HECTD4: variants seen among roughly 807,000 people sequenced by gnomAD.
HECTD4 encodes HECT domain E3 ubiquitin protein ligase 4.
HECTD4 carries 114 observed loss-of-function variants against 471.5 expected under a neutral mutation model. The ratio of observed to expected loss-of-function variants is 0.24; its 90% CI spans 0.21 to 0.28. HECTD4 has a LOEUF of 0.28. HECTD4 is among the 10% of genes least tolerant of loss of function. The probability of loss-of-function intolerance (pLI) is 1.00; values close to 1 mark genes in which losing one functional copy is unlikely to be tolerated. For synonymous variants in HECTD4, 2,012 were observed against 2,256.0 expected (o/e 0.89, Z 3.07); for missense variants, 3,866 against 5,651.5 (o/e 0.68, Z 10.13).
chr12:112,222,928 C>T (rs1416992591), intron 44 of HECTD4, among the ~76,000 whole-genome samples: 3 of 152,144 alleles, frequency 2.0e-5, no homozygotes, highest in African/African-American at 7.2e-5. Context: ...TAAGGAATGA[C>T]TTTGGTTATC....
chr12:112,376,077 A>T (rs2036772092), intron 1 of HECTD4, among the ~76,000 whole-genome samples: 1 of 151,838 alleles, frequency 6.6e-6, no homozygotes, highest in Admixed American at 6.6e-5. Context: ...CTCCTGTCTA[A>T]AAAAAAATAA....
intron 66 of HECTD4, among the ~76,000 whole-genome samples, chr12:112,174,039 G>C (rs149901859): frequency 6.7e-6 from 1 of 150,274 alleles, no homozygotes; most frequent in Non-Finnish European, 1.5e-5. Context: ...GTGCAATGGC[G>C]CAATCTCAGC....
chr12:112,314,999 A>G (rs2035449702), intron 2 of HECTD4, among the ~76,000 whole-genome samples: 1 of 152,224 alleles, frequency 6.6e-6, no homozygotes, highest in African/African-American at 2.4e-5. Flanking sequence ...AAATATGACC[A>G]AAAAGAATAT....
chr12:112,176,160 C>T (rs2031438009), intron 65 of HECTD4, among the ~76,000 whole-genome samples: 1 of 152,228 alleles, frequency 6.6e-6, no homozygotes, highest in South Asian at 2.1e-4. Context: ...ATTTTCCAGA[C>T]AACAAGAATA....
Position 112,185,242 on chromosome 12 carries a change from C to T in HECTD4, c.9724G>A (p.Ala3242Thr), listed in dbSNP as rs1421442049. The change falls in exon 61 of 76, where the codon GCG becomes ACG. Residue 3242 changes from alanine to threonine, a missense_variant. Ala to Thr is a moderately conservative substitution (Grantham distance 58). Transcript: ENST00000682272. ...SGGACGGSGG[A>T]AAGDQGRFST... ...AACCTGCCCTGGTCACCGGCCGCCG[C>T]CCCCCCGGAGCCCCCGCAGGCGCCG... 1 of 1,549,296 alleles carries T rather than the reference C, an allele frequency of 6.5e-7. No homozygotes were observed. Among genetic ancestry groups the T allele is most frequent in the South Asian group, 1.2e-5 (1 of 83,966 alleles).
At chr12:112,209,925 A>G (rs368225661) in intron 50 of HECTD4, 90 bp downstream of exon 50, 1 of 1,061,612 alleles carries the variant, frequency 9.4e-7, no homozygotes, top group Non-Finnish European at 1.4e-6. Context: ...GATTGTAATG[A>G]GGATGCTCAA....
At chr12:112,259,362 C>T (rs2034093761) in intron 18 of HECTD4, 97 bp from the exon 19 acceptor site, 2 of 1,329,364 alleles carry the variant, frequency 1.5e-6, no homozygotes, top group African/African-American at 3.0e-5. Context: ...TCCTAAACTG[C>T]ACCTCCTTAA....
rs2034287541 is a variant in HECTD4 at position 112,266,886 on chromosome 12, A to C, written c.2392+26T>G. 4.2e-6 allele frequency: 5 copies of C among 1,200,422 alleles called. No individual in the cohort carries two copies. In the East Asian group the frequency reaches 1.3e-4, roughly 30 times the overall value. The allele number at this position is 1,200,422 out of a possible 1,614,324, so 74.4% of individuals were successfully genotyped here. On this transcript the variant is annotated intron_variant, in intron 14 of 75. Coordinates refer to ENST00000682272, the MANE Select transcript of HECTD4 (RefSeq NM_001388303.1). ...GGGGACAAAAAAAGGACGGCTGTTC[A>C]AAGATAATTAAAGGATAATTCTTAC...
Position 112,184,747 on chromosome 12 carries a change from G to A in HECTD4, c.10219C>T (p.His3407Tyr). ...CCTCTGACTACGCCCTCGTCCAGGT[G>A]GGTGGGGATCCCGGAGATCACCAGC... ...RLLVISGIPTHLDEGVVRGAI... is the reference protein window; with the variant it reads ...RLLVISGIPTYLDEGVVRGAI... Residue 3407 changes from histidine to tyrosine, a missense_variant, in exon 61 of 76, where the codon CAC becomes TAC. Coordinates refer to ENST00000682272, the MANE Select transcript of HECTD4 (RefSeq NM_001388303.1). This position sits in a 1 kb window ranked among gnomAD's most constrained non-coding sequence, Gnocchi z 9.1. The A allele has an allele frequency of 6.2e-7, 1 of 1,611,906 alleles. No individual in the cohort carries two copies. The highest frequency in any genetic ancestry group is 8.5e-7 in the Non-Finnish European group (1 of 1,178,514).
Position 112,184,998 on chromosome 12 carries a change from G to A in HECTD4, c.9968C>T (p.Ser3323Phe), listed in dbSNP as rs756651446. ...GGAAGACTGGCGCTTGCCCGACGAG[G>A]AGGCCTTTTCCCGCTTCATCTTGAC... Reference protein sequence around the residue: ...KKVKMKREKASSSGKRQSSRT... With the variant: ...KKVKMKREKAFSSGKRQSSRT... The change falls in exon 61 of 76, where the codon TCC becomes TTC. Residue 3323 changes from serine to phenylalanine, a missense_variant. Physicochemically the swap from Ser to Phe is radical, Grantham distance 155 (BLOSUM62 -2). Transcript: ENST00000682272. This position sits in a 1 kb window ranked among gnomAD's most constrained non-coding sequence, Gnocchi z 9.1. 8.1e-6 allele frequency: 13 copies of A among 1,611,088 alleles called. No homozygotes were observed. Among genetic ancestry groups the A allele is most frequent in the African/African-American group, 1.3e-5 (1 of 74,904 alleles).
At chr12:112,289,813 A>G (rs559967614) in intron 7 of HECTD4, among the ~76,000 whole-genome samples, 87 of 152,074 alleles carry the variant, frequency 5.7e-4, no homozygotes, top group African/African-American at 2.0e-3. Context: ...AGTATCTGGG[A>G]TTACAGGTGT....
chr12:112,165,581 G>C (rs1425097329), intron 72 of HECTD4, among the ~76,000 whole-genome samples: 1 of 151,994 alleles, frequency 6.6e-6, no homozygotes, highest in Non-Finnish European at 1.5e-5. Context: ...TCAATCTCCT[G>C]ACCTCGTGAT....
chr12:112,381,336 C>A lies in HECTD4; in HGVS notation c.177+616G>T, dbSNP rs1179176946. 6.6e-6 allele frequency among the ~76,000 whole-genome samples: 1 copy of A among 152,128 alleles called. No homozygotes were observed. Among genetic ancestry groups the A allele is most frequent in the Non-Finnish European group, 1.5e-5 (1 of 68,016 alleles). On this transcript the variant is annotated intron_variant, in intron 1 of 75. Coordinates refer to ENST00000682272, the MANE Select transcript of HECTD4 (RefSeq NM_001388303.1). The surrounding 1 kb of genome is among the most constrained non-coding windows in gnomAD (Gnocchi z 4.1). The stretch of plus-strand genomic sequence containing the variant: ...TTCCCCGAGAGTGCATGGAGGGCCG[C>A]TGGAGCATCCCTCTCGCTGTCCACA...
chr12:112,320,072 C>T (rs938393514), intron 1 of HECTD4, among the ~76,000 whole-genome samples: 3 of 152,172 alleles, frequency 2.0e-5, no homozygotes, highest in African/African-American at 4.8e-5. Flanking sequence ...TGGTGGCTCA[C>T]GCCTGTAATC....
chr12:112,299,992 C>A (rs966023702), intron 7 of HECTD4, among the ~76,000 whole-genome samples: 3 of 152,074 alleles, frequency 2.0e-5, no homozygotes, highest in Non-Finnish European at 2.9e-5. Flanking sequence ...CAATTTCTGG[C>A]AGGAGGCAGG....
chr12:112,228,561 G>A lies in HECTD4; in HGVS notation c.6684+86C>T. ...CAATTTAAGATAATCAAGCATTTGTGCTTCTGCACTGAGCATGTGCATAGA... is the reference window on the plus strand; with the variant it reads ...CAATTTAAGATAATCAAGCATTTGTACTTCTGCACTGAGCATGTGCATAGA... On this transcript the variant is annotated intron_variant, in intron 42 of 75. Transcript: ENST00000682272. The surrounding 1 kb of genome is among the most constrained non-coding windows in gnomAD (Gnocchi z 4.9). 8.6e-7 allele frequency: 1 copy of A among 1,169,490 alleles called. No homozygotes were observed. Among genetic ancestry groups the A allele is most frequent in the Non-Finnish European group, 1.2e-6 (1 of 836,036 alleles). The allele number at this position is 1,169,490 out of a possible 1,614,324, so 72.4% of individuals were successfully genotyped here. A position where few individuals can be genotyped will look rare whatever the true frequency, so the allele number is the denominator to read the frequency against.
At chr12:112,268,855 CTT>C (rs557997656) in intron 13 of HECTD4, among the ~76,000 whole-genome samples, 117 of 141,812 alleles carry the variant, frequency 8.3e-4, no homozygotes, top group Non-Finnish European at 1.4e-3. Context: ...ATTCTGCTCT[CTT>C]GTCTGAAAAG....
At position 112,265,433 on chromosome 12, in the gene HECTD4, TAAC is replaced by T. The variant is rs1231843156; in HGVS notation, c.2499-141_2499-139del. 13 of 572,346 alleles carry T rather than the reference TAAC, an allele frequency of 2.3e-5. No homozygotes were observed. In the East Asian group the frequency reaches 3.1e-4, roughly 14 times the overall value. The allele number at this position is 572,346 out of a possible 1,614,324, so 35.5% of individuals were successfully genotyped here. ...AAGCAAATCACCTTAGTAATAATGC[TAAC>T]AACTAGGTATATTATTTAAATCAAA... On this transcript the variant is annotated intron_variant, in intron 15 of 75. Transcript: ENST00000682272.
At chr12:112,334,585 G>A (rs1720827957) in intron 1 of HECTD4, among the ~76,000 whole-genome samples, 1 of 146,526 alleles carries the variant, frequency 6.8e-6, no homozygotes, top group South Asian at 2.2e-4. Context: ...ACGAGGTCAG[G>A]AGTTCGAGAC....
Sources: gnomAD v4.1 joint callset for allele counts (sites outside exome capture counted in the v4.1 genomes callset) on GRCh38, gnomAD v4.1.1 for gene constraint, Gnocchi (gnomAD v3.1) non-coding constraint, MANE v1.5 for transcripts, NCBI Gene and HGNC (gene_info 2026-07-23, HGNC 2026-07-21) for gene names.